PCDH15: variants seen among roughly 807,000 people sequenced by gnomAD.
PCDH15 encodes protocadherin-15.
A neutral mutation model predicts 178.5 loss-of-function variants in PCDH15; 129 were observed. The observed-to-expected ratio is 0.72, with a 90% CI of 0.63 to 0.84. The LOEUF is 0.84. Ranked by LOEUF, PCDH15 falls within the 40% of genes least tolerant of loss-of-function variation. The pLI is 0.00. For synonymous variants in PCDH15, 800 were observed against 732.0 expected, an observed-to-expected ratio of 1.09 and a Z score of -1.50; for missense variants, 2,230 against 2,099.9, an observed-to-expected ratio of 1.06 and a Z score of -1.21.
intron 2 of PCDH15, among the ~76,000 whole-genome samples, chr10:55,072,391 C>T (rs1006067059): frequency 9.2e-5 from 14 of 151,962 alleles, no homozygotes; most frequent in Admixed American, 1.3e-4. Flanking sequence ...ATCAAATAGA[C>T]GCAATAAAAA....
chr10:54,731,563 T>TATATATATATATATATATACACAC, intron 1 of PCDH15, among the ~76,000 whole-genome samples: 4 of 49,926 alleles, frequency 8.0e-5, no homozygotes, highest in African/African-American at 2.6e-4. Context: ...TATATATATA[T>TATATATATATATATATATACACAC]ACACACACAC....
rs556792249 is a variant in PCDH15 at position 55,242,826 on chromosome 10, C to T, written c.-155-76175G>A. On this transcript the variant is annotated intron_variant, in intron 1 of 5. Coordinates refer to the PCDH15 transcript ENST00000458638. ...CTGCACTCCAGCCTGGGCAACAGAG[C>T]GAAACTCTGTCTCAAAACAAAACAA... Among the ~76,000 whole-genome samples, 17 of 152,082 alleles carry T rather than the reference C, an allele frequency of 1.1e-4. No individual in the cohort carries two copies. The East Asian group carries it at 2.7e-3, about 24-fold the overall frequency.
rs1470596715 is a variant in PCDH15 at position 54,621,404 on chromosome 10, GA to G, written c.91+42767del. Among the ~76,000 whole-genome samples, 10 of 152,014 alleles carry G rather than the reference GA, an allele frequency of 6.6e-5. 2 individuals are homozygous for G. Among genetic ancestry groups the G allele is most frequent in the Non-Finnish European group, 1.5e-5 (1 of 67,918 alleles). On this transcript the variant is annotated intron_variant, in intron 2 of 37. Transcript: ENST00000644397. ...AGAAAAGTTTACTTTGCCTGAGAAA[GA>G]AAAGATGAAATATGCAAACACTAAG...
chr10:55,380,804 A>G (rs1472710330), intron 2 of PCDH15, among the ~76,000 whole-genome samples: 1 of 152,188 alleles, frequency 6.6e-6, no homozygotes, highest in Non-Finnish European at 1.5e-5. Flanking sequence ...GCCAGCATCC[A>G]TGAAACTGTG....
At chr10:55,093,893 C>A (rs1842379664) in intron 2 of PCDH15, among the ~76,000 whole-genome samples, 1 of 152,048 alleles carries the variant, frequency 6.6e-6, no homozygotes, top group African/African-American at 2.4e-5. Context: ...CAGGAAACAA[C>A]AGGTGCTGGA....
chr10:55,478,413 A>C (rs76410696), intron 2 of PCDH15, among the ~76,000 whole-genome samples: 1,962 of 151,888 alleles, frequency 0.013, 45 homozygotes, highest in African/African-American at 0.045. Context: ...TCAATCAATA[A>C]ATTTTAAAAT....
chr10:53,820,477 T>C (rs929030229), intron 32 of PCDH15, among the ~76,000 whole-genome samples: 1 of 152,040 alleles, frequency 6.6e-6, no homozygotes, highest in Admixed American at 6.6e-5. Flanking sequence ...TTCATATACT[T>C]CCAATAGTAA....
chr10:53,978,468 G>A (rs994507045), intron 21 of PCDH15, among the ~76,000 whole-genome samples: 1 of 152,176 alleles, frequency 6.6e-6, no homozygotes, highest in South Asian at 2.1e-4. Flanking sequence ...ACACAGCAGG[G>A]GGGTCCCTGG....
At chr10:55,096,726 A>G (rs748272218) in intron 2 of PCDH15, among the ~76,000 whole-genome samples, 11 of 152,098 alleles carry the variant, frequency 7.2e-5, no homozygotes, top group Admixed American at 2.6e-4. Flanking sequence ...TAAATGAGAT[A>G]ATGCAGTATT....
At chr10:55,532,215 A>C (rs1841470214) in intron 2 of PCDH15, among the ~76,000 whole-genome samples, 1 of 152,080 alleles carries the variant, frequency 6.6e-6, no homozygotes. Context: ...ATAATTTCTT[A>C]AATTTCTCAT....
chr10:54,117,339 A>G lies in PCDH15; in HGVS notation c.1917+15536T>C, dbSNP rs2095132840. Among the ~76,000 whole-genome samples the G allele has an allele frequency of 1.3e-5, 2 of 151,866 alleles. 1 individual carries two copies. On this transcript the variant is annotated intron_variant, in intron 15 of 37. Transcript: ENST00000644397. Reference sequence around the variant, plus strand: ...CAGGCACCTGCATCTGGATGAGGGGAATATGGTGGCTTGTGGAAGCTTGGA... The same window carrying G: ...CAGGCACCTGCATCTGGATGAGGGGGATATGGTGGCTTGTGGAAGCTTGGA...
At chr10:55,544,531 G>A (rs935527098) in intron 2 of PCDH15, among the ~76,000 whole-genome samples, 1 of 151,946 alleles carries the variant, frequency 6.6e-6, no homozygotes, top group Non-Finnish European at 1.5e-5. Flanking sequence ...TATCTTCTGG[G>A]CATAACAAGT....
chr10:54,912,667 A>G (rs1395457563), intron 2 of PCDH15, among the ~76,000 whole-genome samples: 1 of 152,206 alleles, frequency 6.6e-6, no homozygotes, highest in Non-Finnish European at 1.5e-5. Flanking sequence ...GAGAAGTAGT[A>G]CATCACTATA....
At chr10:55,256,291 G>C (rs1309381425) in intron 1 of PCDH15, among the ~76,000 whole-genome samples, 1 of 152,178 alleles carries the variant, frequency 6.6e-6, no homozygotes, top group Non-Finnish European at 1.5e-5. Flanking sequence ...ACAGCTCCCA[G>C]TGTGAGCGAG....
At chr10:55,603,548 G>C (rs1014760642) in intron 2 of PCDH15, among the ~76,000 whole-genome samples, 2 of 151,884 alleles carry the variant, frequency 1.3e-5, no homozygotes, top group Admixed American at 6.6e-5. Context: ...TGAATCTCTC[G>C]GCAGAAACCC....
intron 5 of PCDH15, among the ~76,000 whole-genome samples, chr10:54,357,576 T>C (rs1425813566): frequency 6.6e-6 from 1 of 152,048 alleles, no homozygotes; most frequent in Non-Finnish European, 1.5e-5. Flanking sequence ...ATCGTGAAAA[T>C]GGCCATACTG....
At chr10:55,435,893 CAT>C (rs1839027134) in intron 2 of PCDH15, among the ~76,000 whole-genome samples, 1 of 152,124 alleles carries the variant, frequency 6.6e-6, no homozygotes, top group African/African-American at 2.4e-5. Flanking sequence ...GATTTTCCCA[CAT>C]GATATAAGAG....
At chr10:54,109,025 C>T (rs1200640170) in intron 15 of PCDH15, among the ~76,000 whole-genome samples, 2 of 152,262 alleles carry the variant, frequency 1.3e-5, no homozygotes, top group South Asian at 2.1e-4. Flanking sequence ...CCAGGTAGTA[C>T]ACTGTGGTGA....
At chr10:54,691,398 C>T (rs1375360726) in intron 1 of PCDH15, among the ~76,000 whole-genome samples, 1 of 152,058 alleles carries the variant, frequency 6.6e-6, no homozygotes, top group Non-Finnish European at 1.5e-5. Flanking sequence ...ACCACCTCAG[C>T]TAGGAACCCA....
Sources: allele counts gnomAD v4.1 joint callset (sites outside exome capture counted in the v4.1 genomes callset), GRCh38; gene constraint gnomAD v4.1.1; transcripts MANE v1.5; gene names NCBI Gene and HGNC (gene_info 2026-07-23, HGNC 2026-07-21).